SYT1: variants seen among roughly 807,000 people sequenced by gnomAD.
The protein encoded by SYT1 is synaptotagmin 1.
In SYT1, 8 loss-of-function variants were observed where a neutral mutation model predicts 44.8. The ratio of observed to expected loss-of-function variants is 0.18; its 90% CI spans 0.10 to 0.32. The LOEUF (loss-of-function observed/expected upper bound fraction) is 0.32. SYT1 is among the 10% of genes least tolerant of loss of function. SYT1 has a pLI of 1.00. For synonymous variants in SYT1, 154 were observed against 188.8 expected, an observed-to-expected ratio of 0.82 and a Z score of 1.51; for missense variants, 286 against 509.3, an observed-to-expected ratio of 0.56 and a Z score of 4.22.
At chr12:79,324,447 C>A (rs186762486) in intron 8 of SYT1, among the ~76,000 whole-genome samples, 2 of 152,106 alleles carry the variant, frequency 1.3e-5, no homozygotes, top group Non-Finnish European at 2.9e-5. Context: ...CCCTTTTCTC[C>A]TCTTAACACC....
intron 9 of SYT1, among the ~76,000 whole-genome samples, chr12:79,359,598 T>A (rs1253743442): frequency 1.3e-5 from 2 of 152,158 alleles, no homozygotes; most frequent in East Asian, 3.9e-4. Context: ...CTCGTGGTGA[T>A]GAAGGAGTCA....
intron 2 of SYT1, among the ~76,000 whole-genome samples, chr12:78,998,326 T>G (rs1417870917): frequency 6.6e-6 from 1 of 152,192 alleles, no homozygotes; most frequent in Non-Finnish European, 1.5e-5. Context: ...GAAACAAATT[T>G]CATTCATACT....
intron 9 of SYT1, among the ~76,000 whole-genome samples, chr12:79,423,958 T>G (rs1869277312): frequency 6.7e-6 from 1 of 150,220 alleles, no homozygotes; most frequent in Non-Finnish European, 1.5e-5. Context: ...CTTGTTGAAA[T>G]AACCAACAAG....
chr12:79,308,612 A>AAGAAAAAGAAAGAAAGAAAG (rs1462021152), intron 8 of SYT1, among the ~76,000 whole-genome samples: 15 of 134,318 alleles, frequency 1.1e-4, no homozygotes, highest in African/African-American at 3.7e-4. Flanking sequence ...GAAAGAAAGA[A>AAGAAAAAGAAAGAAAGAAAG]AAAGAAAGAA....
intron 3 of SYT1, among the ~76,000 whole-genome samples, chr12:79,125,926 C>A (rs779105536): frequency 1.3e-5 from 2 of 152,038 alleles, no homozygotes; most frequent in Non-Finnish European, 2.9e-5. Context: ...TCTTTATTTT[C>A]TTCAGAGCAC....
In SYT1 at chr12:79,384,987, AT is replaced by A. The variant is rs3067387; in HGVS notation, c.928+31387del. Among the ~76,000 whole-genome samples the A allele has an allele frequency of 3.5e-3, 460 of 129,882 alleles. 1 individual carries two copies. Among genetic ancestry groups the A allele is most frequent in the African/African-American group, 9.8e-3 (348 of 35,386 alleles). The allele number at this position is 129,882 out of a possible 152,430, so 85.2% of individuals were successfully genotyped here. ...AGCAGCTAATGGAAGGGACCACTGG[AT>A]TTTTTTTTTTTTTTTTTTGAGACAG... On this transcript the variant is annotated intron_variant, in intron 9 of 10. Coordinates refer to ENST00000261205, the MANE Select transcript of SYT1 (RefSeq NM_005639.3).
At chr12:79,200,407 C>CA (rs1329689154) in intron 3 of SYT1, among the ~76,000 whole-genome samples, 1 of 152,020 alleles carries the variant, frequency 6.6e-6, no homozygotes, top group Non-Finnish European at 1.5e-5. Context: ...CAACTGGCTC[C>CA]AGTTCACATA....
intron 8 of SYT1, among the ~76,000 whole-genome samples, chr12:79,320,134 C>A (rs897402423): frequency 6.6e-6 from 1 of 151,998 alleles, no homozygotes; most frequent in African/African-American, 2.4e-5. Flanking sequence ...TGAAGAATTG[C>A]CCAAAATTTA....
chr12:79,409,190 G>T (rs1235821945), intron 9 of SYT1, among the ~76,000 whole-genome samples: 1 of 151,928 alleles, frequency 6.6e-6, no homozygotes, highest in Non-Finnish European at 1.5e-5. Context: ...TTAATTTGGT[G>T]CAAATATTAA....
At chr12:79,052,008 C>T (rs1457553571) in intron 3 of SYT1, among the ~76,000 whole-genome samples, 1 of 152,004 alleles carries the variant, frequency 6.6e-6, no homozygotes, top group African/African-American at 2.4e-5. Context: ...CTTGGCAATG[C>T]AGGCTCTTTT....
intron 1 of SYT1, among the ~76,000 whole-genome samples, chr12:78,958,031 T>C (rs950896802): frequency 3.9e-5 from 6 of 152,196 alleles, no homozygotes; most frequent in Non-Finnish European, 1.5e-5. Context: ...TAGCCTGTTA[T>C]AATTCTGTTC....
At chr12:79,053,887 C>G (rs902067970) in intron 3 of SYT1, among the ~76,000 whole-genome samples, 1 of 151,900 alleles carries the variant, frequency 6.6e-6, no homozygotes, top group Non-Finnish European at 1.5e-5. Context: ...AAAAAAAATT[C>G]TCTTTTTCTT....
At chr12:79,122,443 G>T (rs1178710701) in intron 3 of SYT1, among the ~76,000 whole-genome samples, 1 of 141,050 alleles carries the variant, frequency 7.1e-6, no homozygotes, top group Non-Finnish European at 1.5e-5. Flanking sequence ...GAACCCGGGA[G>T]GCGGAGCTTG....
At chr12:79,272,041 G>T (rs10861758) in intron 4 of SYT1, among the ~76,000 whole-genome samples, 44,114 of 151,962 alleles carry the variant, frequency 0.29, 6,943 homozygotes, top group East Asian at 0.58. Flanking sequence ...TATTTTTATT[G>T]AAAAATCCAT....
chr12:78,898,419 T>G (rs1294827884), intron 1 of SYT1, among the ~76,000 whole-genome samples: 3 of 152,090 alleles, frequency 2.0e-5, no homozygotes, highest in Non-Finnish European at 2.9e-5. Flanking sequence ...TTCCTTTTGG[T>G]TATTTTATCA....
At chr12:79,280,017 C>A (rs1420598134) in intron 4 of SYT1, among the ~76,000 whole-genome samples, 2 of 151,842 alleles carry the variant, frequency 1.3e-5, no homozygotes, top group Non-Finnish European at 2.9e-5. Flanking sequence ...GGAAAAGCAT[C>A]CCATGTTCAT....
chr12:79,037,260 T>C (rs1049705490), intron 2 of SYT1, among the ~76,000 whole-genome samples: 5 of 151,742 alleles, frequency 3.3e-5, no homozygotes, highest in Admixed American at 2.6e-4. Flanking sequence ...TTCCCCAAGC[T>C]TCTCATTTAA....
chr12:78,918,410 A>G (rs901736702), intron 1 of SYT1, among the ~76,000 whole-genome samples: 13 of 152,080 alleles, frequency 8.5e-5, no homozygotes, highest in Non-Finnish European at 1.9e-4. Context: ...CTTTTTCTGG[A>G]GAGCCATACC....
chr12:79,390,604 C>T (rs1427383056), intron 9 of SYT1, among the ~76,000 whole-genome samples: 1 of 152,116 alleles, frequency 6.6e-6, no homozygotes, highest in East Asian at 1.9e-4. Flanking sequence ...CACTGACTCC[C>T]CGCCATGGAA....
Sources: allele counts gnomAD v4.1 joint callset (sites outside exome capture counted in the v4.1 genomes callset), GRCh38; gene constraint gnomAD v4.1.1; transcripts MANE v1.5; gene names NCBI Gene and HGNC (gene_info 2026-07-23, HGNC 2026-07-21).